The following TLX1 variants were observed in gnomAD, a reference collection of about 807,000 sequenced individuals.
TLX1 encodes the protein T cell leukemia homeobox 1.
A neutral mutation model predicts 26.5 loss-of-function variants in TLX1; 6 were observed. That is an observed-to-expected ratio of 0.23 (90% confidence interval 0.12 to 0.45). The LOEUF is 0.45. Among genes scored for constraint, TLX1 ranks in the 20% least tolerant of loss-of-function variants. The pLI, the probability that TLX1 is intolerant of heterozygous loss-of-function variation, is 0.99. For missense variants in TLX1, 418 were observed against 482.6 expected (o/e 0.87, Z 1.25); for synonymous variants, 217 against 219.7 (o/e 0.99, Z 0.11).
chr10:101,134,139 T>G (rs1379939072), intron 1 of TLX1, 36 bp from the exon 2 acceptor site: 8 of 1,549,224 alleles, frequency 5.2e-6, no homozygotes, highest in Non-Finnish European at 7.0e-6. Context: ...CCCGCTCCAG[T>G]GGCCCTCTCA....
Position 101,137,056 on chromosome 10 carries a change from C to A in TLX1, c.*143C>A, listed in dbSNP as rs1029118422. Reference sequence around the variant, plus strand: ...CTCGCACGGCCCCGAAGGGCCCCCACATTTGTGCCGACACTGTTCTCCCTT... The same window carrying A: ...CTCGCACGGCCCCGAAGGGCCCCCAAATTTGTGCCGACACTGTTCTCCCTT... On this transcript the variant is annotated 3_prime_UTR_variant, in exon 3 of 3. Coordinates refer to ENST00000370196, the MANE Select transcript of TLX1 (RefSeq NM_005521.4). 5 of 1,092,628 alleles carry A rather than the reference C, an allele frequency of 4.6e-6. No homozygotes were observed. Among genetic ancestry groups the A allele is most frequent in the Non-Finnish European group, 6.4e-6 (5 of 782,020 alleles). The allele number at this position is 1,092,628 out of a possible 1,614,324, so 67.7% of individuals were successfully genotyped here.
At chr10:101,134,080 T>C (rs773854573) in intron 1 of TLX1, 95 bp from the exon 2 acceptor site, 13 of 1,250,942 alleles carry the variant, frequency 1.0e-5, no homozygotes, top group Non-Finnish European at 1.4e-5. Flanking sequence ...GTGTTGGGCC[T>C]GGGACGCTTC....
intron 1 of TLX1, among the ~76,000 whole-genome samples, chr10:101,133,939 G>GCGGCGA (rs1242739820): frequency 1.3e-5 from 2 of 152,154 alleles, no homozygotes; most frequent in Admixed American, 6.5e-5. Flanking sequence ...CTCCGTGGTA[G>GCGGCGA]CGGCGACGGC....
At position 101,136,811 on chromosome 10, in the gene TLX1, C is replaced by T. The variant is rs1358482140; in HGVS notation, c.891C>T (p.Cys297=). 1.9e-6 allele frequency: 3 copies of T among 1,613,646 alleles called. No individual in the cohort carries two copies. The highest frequency in any genetic ancestry group is 1.7e-5 in the Admixed American group (1 of 60,030). ...LAQPLPADPL[C]VHNSSLFALQ... ...AGCCGCTGCCCGCTGACCCTCTGTG[C>T]GTGCACAACTCGTCGCTCTTCGCCC... The change falls in exon 3 of 3, where the codon TGC becomes TGT. Residue 297 remains cysteine (C), a synonymous_variant. Coordinates refer to ENST00000370196, the MANE Select transcript of TLX1 (RefSeq NM_005521.4).
rs1276819787 is a variant in TLX1, at chr10:101,132,533, A to G, written c.568+424A>G. Among the ~76,000 whole-genome samples, 1 of 152,034 alleles carries G rather than the reference A, an allele frequency of 6.6e-6. No homozygotes were observed. Among genetic ancestry groups the G allele is most frequent in the Admixed American group, 6.5e-5 (1 of 15,274 alleles). ...GCGAGCCCCAGGATCAGACACAAGA[A>G]AAGAACAGGTTCCCCCACCTCCAGT... On this transcript the variant is annotated intron_variant, in intron 1 of 2. Transcript: ENST00000370196. This position sits in a 1 kb window ranked among gnomAD's most constrained non-coding sequence, Gnocchi z 4.1.
chr10:101,134,172 T>C lies in TLX1; in HGVS notation c.569-3T>C. ...TCACCCTTCACTGTAACACGCCGTA[T>C]AGGTCACCCCTATCAGAACCGGACG... On this transcript the variant is annotated splice_polypyrimidine_tract_variant and splice_region_variant and intron_variant, in intron 1 of 2. Coordinates refer to ENST00000370196, the MANE Select transcript of TLX1 (RefSeq NM_005521.4). 1 of 1,599,206 alleles carries C rather than the reference T, an allele frequency of 6.3e-7. No homozygotes were observed. The highest frequency in any genetic ancestry group is 2.3e-5 in the East Asian group (1 of 44,118).
Position 101,134,301 on chromosome 10 carries a change from C to T in TLX1, c.695C>T (p.Ala232Val). 2.5e-6 allele frequency: 4 copies of T among 1,612,282 alleles called. No homozygotes were observed. The highest frequency in any genetic ancestry group is 3.4e-6 in the Non-Finnish European group (4 of 1,179,486). ...AAGTACCTGGCCTCGGCCGAGCGCG[C>T]CGCCCTGGCCAAGGCGCTCAAAATG... ...RQKYLASAER[A>V]ALAKALKMTD... is the part of the protein sequence containing the mutation. Residue 232 changes from alanine to valine, a missense_variant, in exon 2 of 3, where the codon GCC (alanine) becomes GTC (valine). By Grantham distance (64) the Ala-to-Val change is moderately conservative. Coordinates refer to ENST00000370196, the MANE Select transcript of TLX1 (RefSeq NM_005521.4).
chr10:101,131,473 G>A lies in TLX1; in HGVS notation c.-69G>A, dbSNP rs950009721. On this transcript the variant is annotated 5_prime_UTR_variant, in exon 1 of 3. Coordinates refer to ENST00000370196, the MANE Select transcript of TLX1 (RefSeq NM_005521.4). The stretch of plus-strand genomic sequence containing the variant: ...GAGCCGCTGTTGCCTCCCAGCCCCT[G>A]CTAGCTGCCCCCCGAGCCGAGCGCA... 42 of 1,298,934 alleles carry A rather than the reference G, an allele frequency of 3.2e-5. No individual in the cohort carries two copies. The Middle Eastern group carries it at 1.1e-3, about 34-fold the overall frequency. 80.5% of individuals were successfully genotyped at this position (1,298,934 alleles called of 1,614,324 possible).
chr10:101,134,451 G>A, intron 2 of TLX1, 75 bp downstream of exon 2: 3 of 1,398,620 alleles, frequency 2.1e-6, no homozygotes, highest in Non-Finnish European at 2.8e-6. Context: ...GGCCTCTCGT[G>A]GGGCGCACAT....
Position 101,137,170 on chromosome 10 carries a change from T to A in TLX1, c.*257T>A. On this transcript the variant is annotated 3_prime_UTR_variant, in exon 3 of 3. Coordinates refer to ENST00000370196, the MANE Select transcript of TLX1 (RefSeq NM_005521.4). ...GAACTGTTAAGAAATCTGTTTTTGT[T>A]TATTTCATTTTATTTTAATTTTTAA... is the stretch of plus-strand genomic sequence containing the variant. 1 of 492,354 alleles carries A rather than the reference T, an allele frequency of 2.0e-6. No homozygotes were observed. Among genetic ancestry groups the A allele is most frequent in the Non-Finnish European group, 3.6e-6 (1 of 280,126 alleles). The allele number at this position is 492,354 out of a possible 1,614,324, so 30.5% of individuals were successfully genotyped here.
intron 2 of TLX1, among the ~76,000 whole-genome samples, chr10:101,134,710 A>T (rs1196835117): frequency 6.6e-6 from 1 of 152,204 alleles, no homozygotes; most frequent in African/African-American, 2.4e-5. Context: ...GGGATCTGTG[A>T]GTCCTGGGGA....
Position 101,131,435 on chromosome 10 carries a change from T to A in TLX1, c.-107T>A. 1.1e-6 allele frequency: 1 copy of A among 893,840 alleles called. No homozygotes were observed. Among genetic ancestry groups the A allele is most frequent in the Non-Finnish European group, 1.5e-6 (1 of 655,786 alleles). 55.4% of individuals were successfully genotyped at this position (893,840 alleles called of 1,614,324 possible). A position where few individuals can be genotyped will look rare whatever the true frequency, so the allele number is the denominator to read the frequency against. Reference sequence around the variant, plus strand: ...TTTCTGCGCACTTCGCTTCCAAGTCTCCGCGCAGCCAGGAGCCGCTGTTGC... The same window carrying A: ...TTTCTGCGCACTTCGCTTCCAAGTCACCGCGCAGCCAGGAGCCGCTGTTGC... On this transcript the variant is annotated 5_prime_UTR_variant, in exon 1 of 3. Transcript: ENST00000370196.
chr10:101,131,455 T>TA lies in TLX1; in HGVS notation c.-87_-86insA. 8.9e-7 allele frequency: 1 copy of TA among 1,120,952 alleles called. No individual in the cohort carries two copies. Among genetic ancestry groups the TA allele is most frequent in the Non-Finnish European group, 1.2e-6 (1 of 855,784 alleles). 69.4% of individuals were successfully genotyped at this position (1,120,952 alleles called of 1,614,324 possible). On this transcript the variant is annotated 5_prime_UTR_variant, in exon 1 of 3. The change abolishes the stop of an existing upstream ORF in the 5' untranslated region. Transcript: ENST00000370196. ...AAGTCTCCGCGCAGCCAGGAGCCGCTGTTGCCTCCCAGCCCCTGCTAGCTG... is the reference window on the plus strand; with the variant it reads ...AAGTCTCCGCGCAGCCAGGAGCCGCTAGTTGCCTCCCAGCCCCTGCTAGCTG...
chr10:101,134,184 A>G lies in TLX1; in HGVS notation c.578A>G (p.Tyr193Cys). The G allele has an allele frequency of 6.2e-7, 1 of 1,604,766 alleles. No individual in the cohort carries two copies. Among genetic ancestry groups the G allele is most frequent in the Non-Finnish European group, 8.5e-7 (1 of 1,176,116 alleles). ...GTAACACGCCGTATAGGTCACCCCTATCAGAACCGGACGCCCCCCAAGAAG... is the reference window on the plus strand; with the variant it reads ...GTAACACGCCGTATAGGTCACCCCTGTCAGAACCGGACGCCCCCCAAGAAG... ...YTKDRFTGHP[Y>C]QNRTPPKKKK... Residue 193 changes from tyrosine to cysteine, a missense_variant, in exon 2 of 3, where the codon TAT (tyrosine) becomes TGT (cysteine). Around this residue, in one of 3 missense-constraint regions of TLX1, gnomAD observed 322 missense variants for 344.6 expected, o/e 0.93. Coordinates refer to ENST00000370196, the MANE Select transcript of TLX1 (RefSeq NM_005521.4).
chr10:101,134,334 C>T lies in TLX1; in HGVS notation c.728C>T (p.Ala243Val). 1.2e-6 allele frequency: 2 copies of T among 1,609,728 alleles called. No individual in the cohort carries two copies. The highest frequency in any genetic ancestry group is 1.7e-6 in the Non-Finnish European group (2 of 1,178,640). ...GCCAAGGCGCTCAAAATGACCGATG[C>T]GCAGGTCAAAACCTGGTTCCAGAAC... is the stretch of plus-strand genomic sequence containing the variant. The part of the protein sequence containing the change: ...ALAKALKMTD[A>V]QVKTWFQNRR... Residue 243 changes from alanine to valine, a missense_variant, in exon 2 of 3, where the codon GCG becomes GTG. By Grantham distance (64) the Ala-to-Val change is moderately conservative (BLOSUM62 0). This residue lies in a region of TLX1 where 18 missense variants were observed against 45.8 expected (regional missense o/e 0.39). Coordinates refer to ENST00000370196, the MANE Select transcript of TLX1 (RefSeq NM_005521.4).
chr10:101,135,616 A>G (rs1940279481), intron 2 of TLX1: 1 of 152,356 alleles, frequency 6.6e-6, no homozygotes, highest in Admixed American at 6.5e-5. Context: ...AGAGGCAGGC[A>G]AAGAGAGAAA....
chr10:101,132,113 A>G lies in TLX1; in HGVS notation c.568+4A>G. On this transcript the variant is annotated splice_donor_region_variant and intron_variant, in intron 1 of 2. Coordinates refer to ENST00000370196, the MANE Select transcript of TLX1 (RefSeq NM_005521.4). The surrounding 1 kb of genome is among the most constrained non-coding windows in gnomAD (Gnocchi z 4.1). ...TACACAAAGGACAGGTTCACAGGTG[A>G]GTCCGGCCCGCGCGCTCCCCGCCTG... 7.4e-7 allele frequency: 1 copy of G among 1,360,190 alleles called. No individual in the cohort carries two copies. Among genetic ancestry groups the G allele is most frequent in the Admixed American group, 2.9e-5 (1 of 34,480 alleles). 84.3% of individuals were successfully genotyped at this position (1,360,190 alleles called of 1,614,324 possible). A position where few individuals can be genotyped will look rare whatever the true frequency, so the allele number is the denominator to read the frequency against.
intron 1 of TLX1, 118 bp from the exon 2 acceptor site, chr10:101,134,057 G>A (rs1232893110): frequency 3.2e-6 from 3 of 947,506 alleles, no homozygotes; most frequent in South Asian, 1.7e-5. Flanking sequence ...TGCTGCGCTC[G>A]CTGACTCGCG....
At position 101,131,587 on chromosome 10, in the gene TLX1, C is replaced by T; in HGVS notation, c.46C>T (p.Pro16Ser). The change falls in exon 1 of 3, where the codon CCC becomes TCC. Residue 16 changes from proline to serine, a missense_variant. Coordinates refer to ENST00000370196, the MANE Select transcript of TLX1 (RefSeq NM_005521.4). The stretch of plus-strand genomic sequence containing the variant: ...CCACCTCCACCCGGGTCACGCAGAG[C>T]CCATTAGCTTCGGCATCGACCAGAT... ...PHHLHPGHAE[P>S]ISFGIDQILN... 2 of 1,561,478 alleles carry T rather than the reference C, an allele frequency of 1.3e-6. No homozygotes were observed. The highest frequency in any genetic ancestry group is 1.7e-6 in the Non-Finnish European group (2 of 1,157,158).
Sources: allele counts gnomAD v4.1 joint callset (sites outside exome capture counted in the v4.1 genomes callset), GRCh38; gene constraint gnomAD v4.1.1; regional missense constraint gnomAD v4.1.1; non-coding constraint Gnocchi (gnomAD v3.1); transcripts MANE v1.5; gene names NCBI Gene and HGNC (gene_info 2026-07-23, HGNC 2026-07-21).